ADAMTS19: variants seen among roughly 807,000 people sequenced by gnomAD.
ADAMTS19 encodes the protein ADAM metallopeptidase with thrombospondin type 1 motif 19.
Under a neutral mutation model 153.3 loss-of-function variants are expected in ADAMTS19, and 93 were observed. That is an observed-to-expected ratio of 0.61 (90% CI 0.51 to 0.72). The LOEUF (loss-of-function observed/expected upper bound fraction) is 0.72. Ranked by LOEUF, ADAMTS19 falls within the 30% of genes least tolerant of loss-of-function variation. The pLI, the probability that ADAMTS19 is intolerant of heterozygous loss-of-function variation, is 0.00. For missense variants in ADAMTS19, 1,482 were observed against 1,552.1 expected (o/e 0.95, Z 0.76); for synonymous variants, 600 against 556.6 (o/e 1.08, Z -1.10).
intron 14 of ADAMTS19, among the ~76,000 whole-genome samples, chr5:129,656,785 A>G (rs1319361163): frequency 6.6e-6 from 1 of 152,224 alleles, no homozygotes; most frequent in Non-Finnish European, 1.5e-5. Context: ...AGATTTACAG[A>G]CCTTGTAATA....
intron 2 of ADAMTS19, among the ~76,000 whole-genome samples, chr5:129,470,567 G>GA (rs1444005882): frequency 6.6e-6 from 1 of 152,216 alleles, no homozygotes; most frequent in Non-Finnish European, 1.5e-5. Flanking sequence ...CCTAGACTGA[G>GA]AGAAGTGAGA....
At chr5:129,557,603 A>G (rs2126835128) in intron 7 of ADAMTS19, among the ~76,000 whole-genome samples, 1 of 152,278 alleles carries the variant, frequency 6.6e-6, no homozygotes. Flanking sequence ...TGTCTCACAA[A>G]AACTTATAAT....
chr5:129,658,362 A>G (rs1356904202), intron 14 of ADAMTS19, among the ~76,000 whole-genome samples: 1 of 148,732 alleles, frequency 6.7e-6, no homozygotes, highest in Non-Finnish European at 1.5e-5. Flanking sequence ...AGAAAGAAAG[A>G]AAGAAAGAGA....
At chr5:129,539,457 A>G (rs919398306) in intron 6 of ADAMTS19, among the ~76,000 whole-genome samples, 3 of 152,038 alleles carry the variant, frequency 2.0e-5, no homozygotes, top group Non-Finnish European at 2.9e-5. Flanking sequence ...TGGCACTTTT[A>G]TTTTGTCCCA....
At chr5:129,700,117 A>G (rs1383311850) in intron 19 of ADAMTS19, among the ~76,000 whole-genome samples, 2 of 152,220 alleles carry the variant, frequency 1.3e-5, no homozygotes, top group Non-Finnish European at 2.9e-5. Flanking sequence ...TCACACAAAT[A>G]CCAAATTTTA....
chr5:129,720,106 G>T (rs1404234973), intron 21 of ADAMTS19, among the ~76,000 whole-genome samples: 1 of 149,940 alleles, frequency 6.7e-6, no homozygotes, highest in African/African-American at 2.5e-5. Context: ...ATCAGTAAGA[G>T]CTTCTAACAT....
intron 8 of ADAMTS19, among the ~76,000 whole-genome samples, chr5:129,601,191 G>A (rs1213267397): frequency 6.6e-6 from 1 of 152,012 alleles, no homozygotes; most frequent in Non-Finnish European, 1.5e-5. Context: ...TATTTTTCTG[G>A]TAACTAAAAT....
chr5:129,578,697 A>T (rs192760033), intron 7 of ADAMTS19, among the ~76,000 whole-genome samples: 9 of 151,740 alleles, frequency 5.9e-5, no homozygotes, highest in African/African-American at 2.2e-4. Flanking sequence ...TGGTATTTGG[A>T]TTTCTGTTCC....
intron 6 of ADAMTS19, among the ~76,000 whole-genome samples, chr5:129,546,554 T>C (rs1054495043): frequency 6.6e-5 from 10 of 151,062 alleles, no homozygotes; most frequent in Admixed American, 5.9e-4. Flanking sequence ...TAATCAATAT[T>C]TATGAATGCT....
rs77872263 is a variant in ADAMTS19 at position 129,588,209 on chromosome 5, G to A, written c.1373-8350G>A. On this transcript the variant is annotated intron_variant, in intron 7 of 22. Coordinates refer to ENST00000274487, the MANE Select transcript of ADAMTS19 (RefSeq NM_133638.6). ...TGATCCATACATTATTTAAAACTCT[G>A]TTCCAAAATATCCACTTTTTAGGAG... 3.6e-3 allele frequency among the ~76,000 whole-genome samples: 550 copies of A among 152,166 alleles called. 3 individuals are homozygous for A. Among genetic ancestry groups the A allele is most frequent in the African/African-American group, 0.013 (526 of 41,546 alleles).
intron 16 of ADAMTS19, among the ~76,000 whole-genome samples, chr5:129,674,004 G>A (rs1264532794): frequency 6.6e-6 from 1 of 152,120 alleles, no homozygotes; most frequent in Non-Finnish European, 1.5e-5. Context: ...GCTGAGGTGG[G>A]CGGATCACCT....
intron 2 of ADAMTS19, among the ~76,000 whole-genome samples, chr5:129,507,790 G>A (rs1751313869): frequency 6.6e-6 from 1 of 151,426 alleles, no homozygotes. Context: ...GAGAGAGGAG[G>A]GGGACAGATC....
At chr5:129,463,791 A>C (rs1749768439) in intron 2 of ADAMTS19, among the ~76,000 whole-genome samples, 1 of 152,202 alleles carries the variant, frequency 6.6e-6, no homozygotes, top group African/African-American at 2.4e-5. Flanking sequence ...TAATTTAAAA[A>C]ATTGAATGAT....
At chr5:129,566,517 A>C (rs907727675) in intron 7 of ADAMTS19, among the ~76,000 whole-genome samples, 6 of 152,156 alleles carry the variant, frequency 3.9e-5, no homozygotes, top group African/African-American at 1.4e-4. Context: ...TATGAATTTG[A>C]AGTGCCACCA....
chr5:129,733,847 C>G (rs1331294311), intron 21 of ADAMTS19, among the ~76,000 whole-genome samples: 1 of 151,894 alleles, frequency 6.6e-6, no homozygotes, highest in South Asian at 2.1e-4. Flanking sequence ...CAAAAAGACA[C>G]CTCCACTCAT....
At chr5:129,476,437 T>G (rs1750230334) in intron 2 of ADAMTS19, among the ~76,000 whole-genome samples, 1 of 151,950 alleles carries the variant, frequency 6.6e-6, no homozygotes, top group South Asian at 2.1e-4. Context: ...AAGACCAAAG[T>G]TGTTAGGGTC....
intron 8 of ADAMTS19, among the ~76,000 whole-genome samples, chr5:129,616,801 G>C (rs1751553021): frequency 6.6e-6 from 1 of 151,986 alleles, no homozygotes; most frequent in African/African-American, 2.4e-5. Flanking sequence ...ATGTGACTTG[G>C]TTACAAGGTT....
At chr5:129,490,668 G>C (rs1320910931) in intron 2 of ADAMTS19, among the ~76,000 whole-genome samples, 1 of 152,098 alleles carries the variant, frequency 6.6e-6, no homozygotes, top group Non-Finnish European at 1.5e-5. Flanking sequence ...TAAATAATGA[G>C]ACAAGAGACC....
chr5:129,643,367 C>CAAAAAAAAAAAAAAAA (rs556007087), intron 11 of ADAMTS19, among the ~76,000 whole-genome samples: 6 of 40,330 alleles, frequency 1.5e-4, no homozygotes, highest in Non-Finnish European at 2.5e-4. Context: ...GTTTCAAAGA[C>CAAAAAAAAAAAAAAAA]AAAAAAAAAA....
Sources: gnomAD v4.1 joint callset for allele counts (sites outside exome capture counted in the v4.1 genomes callset) on GRCh38, gnomAD v4.1.1 for gene constraint, MANE v1.5 for transcripts, NCBI Gene and HGNC (gene_info 2026-07-23, HGNC 2026-07-21) for gene names.